CNTNAP2: variants seen among roughly 807,000 people sequenced by gnomAD.
CNTNAP2 encodes contactin-associated protein-like 2.
In CNTNAP2, 98 loss-of-function variants were observed where a neutral mutation model predicts 155.2. The ratio of observed to expected loss-of-function variants is 0.63; its 90% CI spans 0.54 to 0.75. The LOEUF (loss-of-function observed/expected upper bound fraction) is 0.75, where lower values mean the gene tolerates loss of function less well. CNTNAP2 is among the 30% of genes least tolerant of loss of function. The pLI, the probability that CNTNAP2 is intolerant of heterozygous loss-of-function variation, is 0.00. For synonymous variants in CNTNAP2, 651 were observed against 631.2 expected, an observed-to-expected ratio of 1.03 and a Z score of -0.47; for missense variants, 1,727 against 1,688.1, an observed-to-expected ratio of 1.02 and a Z score of -0.40.
intron 1 of CNTNAP2, among the ~76,000 whole-genome samples, chr7:146,188,682 T>C (rs1182192504): frequency 6.6e-6 from 1 of 152,146 alleles, no homozygotes; most frequent in African/African-American, 2.4e-5. Flanking sequence ...CAGCATGAAA[T>C]TTGAAATGGT....
rs193026638 is a variant in CNTNAP2, at chr7:148,313,062, G to A, written c.3475+45936G>A. On this transcript the variant is annotated intron_variant, in intron 21 of 23. Transcript: ENST00000361727. Reference sequence around the variant, plus strand: ...TGGGCAGGTTGGGGATAACTAAAAAGGAGTGCTTAAAAGAGTATTGTCTAA... The same window carrying A: ...TGGGCAGGTTGGGGATAACTAAAAAAGAGTGCTTAAAAGAGTATTGTCTAA... Among the ~76,000 whole-genome samples the A allele has an allele frequency of 3.9e-3, 592 of 151,912 alleles. 9 individuals carry two copies. The highest frequency in any genetic ancestry group is 0.013 in the African/African-American group (558 of 41,372).
At chr7:148,053,847 C>T (rs1425066423) in intron 15 of CNTNAP2, among the ~76,000 whole-genome samples, 1 of 151,840 alleles carries the variant, frequency 6.6e-6, no homozygotes, top group East Asian at 1.9e-4. Flanking sequence ...GGCTAAAATA[C>T]TTAGGTATTG....
intron 8 of CNTNAP2, among the ~76,000 whole-genome samples, chr7:147,237,581 T>A (rs1250129536): frequency 6.6e-6 from 1 of 152,248 alleles, no homozygotes; most frequent in African/African-American, 2.4e-5. Context: ...CCTGTGTTTA[T>A]AATGAAGTGC....
intron 3 of CNTNAP2, among the ~76,000 whole-genome samples, chr7:146,970,718 C>T (rs1584757335): frequency 6.6e-6 from 1 of 152,156 alleles, no homozygotes; most frequent in Admixed American, 6.5e-5. Context: ...TGGGTATATA[C>T]CCAAAGGACT....
intron 1 of CNTNAP2, among the ~76,000 whole-genome samples, chr7:146,679,347 CTTTTTTTTTT>C (rs34541415): frequency 9.4e-6 from 1 of 106,928 alleles, no homozygotes; most frequent in Admixed American, 1.1e-4. Context: ...GATCTTGTTT[CTTTTTTTTTT>C]TTTTTTTTTT....
At chr7:146,662,557 C>T (rs1800111106) in intron 1 of CNTNAP2, among the ~76,000 whole-genome samples, 1 of 152,058 alleles carries the variant, frequency 6.6e-6, no homozygotes, top group African/African-American at 2.4e-5. Flanking sequence ...AATATTTTCC[C>T]CACACTGTGG....
intron 3 of CNTNAP2, among the ~76,000 whole-genome samples, chr7:146,971,827 A>G (rs1291199406): frequency 6.6e-6 from 1 of 152,150 alleles, no homozygotes; most frequent in African/African-American, 2.4e-5. Context: ...CCCATCATGG[A>G]GTTTTGAACT....
intron 15 of CNTNAP2, among the ~76,000 whole-genome samples, chr7:148,039,008 T>C (rs898552299): frequency 7.9e-5 from 12 of 152,206 alleles, no homozygotes; most frequent in South Asian, 2.1e-4. Flanking sequence ...ATAGAAGATA[T>C]ACATCTGTAT....
intron 3 of CNTNAP2, among the ~76,000 whole-genome samples, chr7:146,875,934 C>CAAAAAAAAAAAAAAAAA (rs56304234): frequency 3.1e-4 from 17 of 55,138 alleles, no homozygotes; most frequent in South Asian, 1.5e-3. Context: ...ACATACACAG[C>CAAAAAAAAAAAAAAAAA]AAAAAAAAAA....
At chr7:146,982,398 GTTAC>G (rs1449262437) in intron 3 of CNTNAP2, among the ~76,000 whole-genome samples, 1 of 152,100 alleles carries the variant, frequency 6.6e-6, no homozygotes, top group Admixed American at 6.5e-5. Context: ...AGTTTTTGTT[GTTAC>G]TTACACGAAT....
intron 1 of CNTNAP2, among the ~76,000 whole-genome samples, chr7:146,289,029 C>T (rs1800385827): frequency 6.7e-6 from 1 of 149,640 alleles, no homozygotes; most frequent in Non-Finnish European, 1.5e-5. Context: ...GTCTGGAACT[C>T]CTGACCTCAA....
chr7:148,354,356 T>A (rs1798476980), intron 21 of CNTNAP2, among the ~76,000 whole-genome samples: 1 of 152,220 alleles, frequency 6.6e-6, no homozygotes, highest in Admixed American at 6.5e-5. Flanking sequence ...AACTGTTTCC[T>A]TAGAAAAGTT....
intron 1 of CNTNAP2, among the ~76,000 whole-genome samples, chr7:146,204,353 C>G (rs896150574): frequency 6.6e-6 from 1 of 152,078 alleles, no homozygotes; most frequent in African/African-American, 2.4e-5. Context: ...AACCTGTAAT[C>G]AGAGGAAAGA....
At chr7:147,823,946 T>C (rs1281461361) in intron 13 of CNTNAP2, among the ~76,000 whole-genome samples, 1 of 152,168 alleles carries the variant, frequency 6.6e-6, no homozygotes, top group African/African-American at 2.4e-5. Context: ...AGAAGGCTAT[T>C]TTACTGTCTC....
chr7:146,831,887 C>A (rs777363273), intron 2 of CNTNAP2, among the ~76,000 whole-genome samples: 12 of 152,024 alleles, frequency 7.9e-5, no homozygotes, highest in Non-Finnish European at 1.8e-4. Flanking sequence ...CTTCTTTCTT[C>A]TGTTTTGCTT....
chr7:147,147,334 A>G (rs1256917317), intron 8 of CNTNAP2, among the ~76,000 whole-genome samples: 2 of 152,190 alleles, frequency 1.3e-5, no homozygotes, highest in Non-Finnish European at 2.9e-5. Context: ...TTGGGTGGAG[A>G]TACAACCAAA....
chr7:147,095,599 TTG>T (rs1800514793), intron 4 of CNTNAP2, among the ~76,000 whole-genome samples: 1 of 152,044 alleles, frequency 6.6e-6, no homozygotes, highest in East Asian at 1.9e-4. Context: ...TGTTGTTTCA[TTG>T]TCTTTCATTG....
intron 1 of CNTNAP2, among the ~76,000 whole-genome samples, chr7:146,322,634 C>CTCTTTTT (rs748751758): frequency 1.5e-5 from 1 of 64,964 alleles, no homozygotes; most frequent in Non-Finnish European, 2.7e-5. Flanking sequence ...TGTTCATTCT[C>CTCTTTTT]TTTTTTTTTT....
At chr7:146,901,897 A>G in intron 3 of CNTNAP2, among the ~76,000 whole-genome samples, 1 of 98,846 alleles carries the variant, frequency 1.0e-5, no homozygotes, top group East Asian at 2.8e-4. Flanking sequence ...TTTTTTTGAG[A>G]CGGTCTCTGG....
Sources: allele counts gnomAD v4.1 joint callset (sites outside exome capture counted in the v4.1 genomes callset), GRCh38; gene constraint gnomAD v4.1.1; transcripts MANE v1.5; gene names NCBI Gene and HGNC (gene_info 2026-07-23, HGNC 2026-07-21).